OR2A12: variants seen among roughly 807,000 people sequenced by gnomAD.
The protein encoded by OR2A12 is olfactory receptor 2A12.
For missense variants in OR2A12, 380 were observed against 372.5 expected (o/e 1.02, Z -0.17); for synonymous variants, 153 against 149.3 (o/e 1.02, Z -0.18).
chr7:144,088,863 A>G (rs1406293579), intron 1 of OR2A12, among the ~76,000 whole-genome samples: 2 of 152,210 alleles, frequency 1.3e-5, no homozygotes, highest in African/African-American at 4.8e-5. Flanking sequence ...TTATTAATCA[A>G]CATTAAATAG....
intron 1 of OR2A12, among the ~76,000 whole-genome samples, chr7:144,094,147 GTTA>G (rs778547997): frequency 1.3e-5 from 2 of 151,586 alleles, no homozygotes; most frequent in Non-Finnish European, 2.9e-5. Flanking sequence ...TTTTATTGTT[GTTA>G]TTATTATCAT....
chr7:144,091,520 ATC>A (rs2051227981), intron 1 of OR2A12, among the ~76,000 whole-genome samples: 1 of 152,260 alleles, frequency 6.6e-6, no homozygotes, highest in African/African-American at 2.4e-5. Flanking sequence ...CCTTGCCAGC[ATC>A]TGTTATGTTT....
rs954511403 is a variant in OR2A12 at position 144,096,599 on chromosome 7, A to C, written c.*559A>C. 1 of 152,314 alleles carries C rather than the reference A, an allele frequency of 6.6e-6. No individual in the cohort carries two copies. The highest frequency in any genetic ancestry group is 2.4e-5 in the African/African-American group (1 of 41,440). 9.4% of individuals were successfully genotyped at this position (152,314 alleles called of 1,614,324 possible). On this transcript the variant is annotated 3_prime_UTR_variant, in exon 2 of 2. Transcript: ENST00000641592. ...ATGAACATAGATGCAAACCTCTTAA[A>C]GAAAATATTAATGAAACAAGTCCAT...
chr7:144,092,614 C>T (rs2051234164), intron 1 of OR2A12, among the ~76,000 whole-genome samples: 1 of 152,068 alleles, frequency 6.6e-6, no homozygotes, highest in Non-Finnish European at 1.5e-5. Context: ...AATGGGACTG[C>T]ATTCCCGATT....
intron 1 of OR2A12, among the ~76,000 whole-genome samples, chr7:144,088,799 T>C (rs887640078): frequency 1.3e-5 from 2 of 152,212 alleles, no homozygotes; most frequent in African/African-American, 4.8e-5. Context: ...TTGATATTCT[T>C]CATTTTAATT....
Position 144,098,738 on chromosome 7 carries a change from G to C in OR2A12, c.*2698G>C, listed in dbSNP as rs977904694. 11 of 152,356 alleles carry C rather than the reference G, an allele frequency of 7.2e-5. No individual in the cohort carries two copies. Among genetic ancestry groups the C allele is most frequent in the Admixed American group, 6.5e-5 (1 of 15,278 alleles). The allele number at this position is 152,356 out of a possible 1,614,324, so 9.4% of individuals were successfully genotyped here. A position where few individuals can be genotyped will look rare whatever the true frequency, so the allele number is the denominator to read the frequency against. ...TCCCACTGTGTCTACACATGGCAGA[G>C]AGAGAGAGAGCCCATATTCTCAATA... On this transcript the variant is annotated 3_prime_UTR_variant, in exon 2 of 2. Transcript: ENST00000641592.
chr7:144,092,243 T>A (rs1190645869), intron 1 of OR2A12, among the ~76,000 whole-genome samples: 1 of 152,194 alleles, frequency 6.6e-6, no homozygotes, highest in Non-Finnish European at 1.5e-5. Flanking sequence ...TGTGCTGTTT[T>A]GGTTACTGTA....
intron 1 of OR2A12, among the ~76,000 whole-genome samples, chr7:144,094,773 T>C (rs2051249495): frequency 6.6e-6 from 1 of 152,220 alleles, no homozygotes; most frequent in African/African-American, 2.4e-5. Context: ...CCAGCCTCTA[T>C]CTATTGCCTC....
At position 144,092,689 on chromosome 7, in the gene OR2A12, A is replaced by G. The variant is rs544080214; in HGVS notation, c.-51-2368A>G. On this transcript the variant is annotated intron_variant, in intron 1 of 1. Transcript: ENST00000641592. ...AGTGATTTTTGTATGTTGATTCTGT[A>G]GGTTTTATAGGTACTCTTTTTCAAA... Among the ~76,000 whole-genome samples the G allele has an allele frequency of 2.4e-4, 36 of 152,176 alleles. No individual in the cohort carries two copies. The South Asian group carries it at 7.1e-3, about 30-fold the overall frequency.
Position 144,097,464 on chromosome 7 carries a change from T to C in OR2A12, c.*1424T>C, listed in dbSNP as rs1304958144. Reference sequence around the variant, plus strand: ...ATTATTAGATTTAATACAATCCCAATCAATATCGCAGCAGGGTGTGTGGAT... The same window carrying C: ...ATTATTAGATTTAATACAATCCCAACCAATATCGCAGCAGGGTGTGTGGAT... On this transcript the variant is annotated 3_prime_UTR_variant, in exon 2 of 2. Coordinates refer to ENST00000641592, the MANE Select transcript of OR2A12 (RefSeq NM_001004135.2). 6.6e-6 allele frequency: 1 copy of C among 152,130 alleles called. No individual in the cohort carries two copies. Among genetic ancestry groups the C allele is most frequent in the Non-Finnish European group, 1.5e-5 (1 of 68,030 alleles). The allele number at this position is 152,130 out of a possible 1,614,324, so 9.4% of individuals were successfully genotyped here.
At position 144,095,626 on chromosome 7, in the gene OR2A12, C is replaced by T. The variant is rs1313398545; in HGVS notation, c.519C>T (p.Ile173=). The T allele has an allele frequency of 6.2e-7, 1 of 1,614,116 alleles. No homozygotes were observed. The highest frequency in any genetic ancestry group is 1.1e-5 in the South Asian group (1 of 91,078). Reference sequence around the variant, plus strand: ...TGCCTTTTTGTGGCCCACAAAAGATCAACCACTTTTTCTGTCAAATCATGT... The same window carrying T: ...TGCCTTTTTGTGGCCCACAAAAGATTAACCACTTTTTCTGTCAAATCATGT... ...LRLPFCGPQK[I]NHFFCQIMSV... is the part of the protein sequence containing the mutation. Residue 173 remains isoleucine, a synonymous_variant, in exon 2 of 2, where the codon ATC becomes ATT. Coordinates refer to ENST00000641592, the MANE Select transcript of OR2A12 (RefSeq NM_001004135.2).
At chr7:144,089,747 C>A (rs1439234250) in intron 1 of OR2A12, among the ~76,000 whole-genome samples, 1 of 152,094 alleles carries the variant, frequency 6.6e-6, no homozygotes, top group East Asian at 1.9e-4. Context: ...CAATTTTCAT[C>A]AAGAGTCTTA....
In OR2A12 at chr7:144,095,802, G is replaced by GC; in HGVS notation, c.697dup (p.Arg233ProfsTer60). ...ATCTTGAGGATCCAGTCTGGGGAGG[G>GC]CCGCAGAAAGGCCTTCTCTACCTGC... is the stretch of plus-strand genomic sequence containing the variant. On this transcript the variant is annotated frameshift_variant, in exon 2 of 2. Coordinates refer to ENST00000641592, the MANE Select transcript of OR2A12 (RefSeq NM_001004135.2). LOFTEE classifies it low-confidence loss of function (END_TRUNC). The GC allele has an allele frequency of 6.2e-7, 1 of 1,614,104 alleles. No individual in the cohort carries two copies. The highest frequency in any genetic ancestry group is 1.1e-5 in the South Asian group (1 of 91,076).
At chr7:144,088,230 T>G (rs1273051215) in intron 1 of OR2A12, among the ~76,000 whole-genome samples, 2 of 152,216 alleles carry the variant, frequency 1.3e-5, no homozygotes, top group Non-Finnish European at 2.9e-5. Flanking sequence ...CAGGCTGGTC[T>G]CGAACTCCTG....
chr7:144,096,003 CT>C lies in OR2A12; in HGVS notation c.897del (p.Leu300Ter). On this transcript the variant is annotated frameshift_variant, in exon 2 of 2. Transcript: ENST00000641592. LOFTEE classifies it low-confidence loss of function (END_TRUNC). ...CTTAGGAATGCAGAGGTGAAAGGGG[CT>C]CTAAAGAGAGTCCTTTGGAAACAGA... ...YSLRNAEVKG[A>X]LKRVLWKQRS... 1 of 1,607,112 alleles carries C rather than the reference CT, an allele frequency of 6.2e-7. No homozygotes were observed. Among genetic ancestry groups the C allele is most frequent in the Non-Finnish European group, 8.5e-7 (1 of 1,177,314 alleles).
intron 1 of OR2A12, among the ~76,000 whole-genome samples, chr7:144,089,896 A>T (rs1313268973): frequency 2.0e-5 from 3 of 152,146 alleles, no homozygotes; most frequent in African/African-American, 7.2e-5. Flanking sequence ...ATTTGAAATT[A>T]TGTGTAAATA....
chr7:144,096,081 C>T lies in OR2A12; in HGVS notation c.*41C>T, dbSNP rs1423400785. 1.1e-5 allele frequency: 15 copies of T among 1,417,798 alleles called. No homozygotes were observed. The highest frequency in any genetic ancestry group is 1.8e-4 in the Middle Eastern group (1 of 5,504). The allele number at this position is 1,417,798 out of a possible 1,614,324, so 87.8% of individuals were successfully genotyped here. A position where few individuals can be genotyped will look rare whatever the true frequency, so the allele number is the denominator to read the frequency against. On this transcript the variant is annotated 3_prime_UTR_variant, in exon 2 of 2. Coordinates refer to ENST00000641592, the MANE Select transcript of OR2A12 (RefSeq NM_001004135.2). Reference sequence around the variant, plus strand: ...ATCCTGAGTGTGTAAGCATGGTTCTCATGACCCTGGGTCCTGAAATTTCCT... The same window carrying T: ...ATCCTGAGTGTGTAAGCATGGTTCTTATGACCCTGGGTCCTGAAATTTCCT...
rs2051271068 is a variant in OR2A12 at position 144,097,151 on chromosome 7, A to G, written c.*1111A>G. ...TATATGTAGGAAATTCAAAAGAATT[A>G]TAAGAAATTTTAAAGTAGCTTGATA... On this transcript the variant is annotated 3_prime_UTR_variant, in exon 2 of 2. Coordinates refer to ENST00000641592, the MANE Select transcript of OR2A12 (RefSeq NM_001004135.2). 1 of 152,160 alleles carries G rather than the reference A, an allele frequency of 6.6e-6. No homozygotes were observed. The highest frequency in any genetic ancestry group is 2.4e-5 in the African/African-American group (1 of 41,444). The allele number at this position is 152,160 out of a possible 1,614,324, so 9.4% of individuals were successfully genotyped here.
rs34335595 is a variant in OR2A12 at position 144,096,458 on chromosome 7, A to AAAATAAATAAAT, written c.*430_*441dup. The AAAATAAATAAAT allele has an allele frequency of 9.2e-5, 14 of 152,128 alleles. No homozygotes were observed. Among genetic ancestry groups the AAAATAAATAAAT allele is most frequent in the African/African-American group, 3.2e-4 (13 of 40,624 alleles). The allele number at this position is 152,128 out of a possible 1,614,324, so 9.4% of individuals were successfully genotyped here. ...GGCGACAGAGCAAGACTCCCTCTCA[A>AAAATAAATAAAT]AAATAAATAAATAAATAAATAAAGA... is the stretch of plus-strand genomic sequence containing the variant. On this transcript the variant is annotated 3_prime_UTR_variant, in exon 2 of 2. Coordinates refer to ENST00000641592, the MANE Select transcript of OR2A12 (RefSeq NM_001004135.2).
Sources: allele counts gnomAD v4.1 joint callset (sites outside exome capture counted in the v4.1 genomes callset), GRCh38; gene constraint gnomAD v4.1.1; transcripts MANE v1.5; gene names NCBI Gene and HGNC (gene_info 2026-07-23, HGNC 2026-07-21).